Variants in FAM227B observed in about 807,000 individuals in gnomAD.
FAM227B encodes protein FAM227B.
Under a neutral mutation model 73.8 loss-of-function variants are expected in FAM227B, and 88 were observed. The ratio of observed to expected loss-of-function variants is 1.19; its 90% confidence interval spans 1.00 to 1.42. The LOEUF (loss-of-function observed/expected upper bound fraction) is 1.42, where lower values mean the gene tolerates loss of function less well. FAM227B is among the 40% of genes most tolerant of loss of function. The pLI is 0.00. For missense variants in FAM227B, 632 were observed against 590.9 expected (o/e 1.07, Z -0.72); for synonymous variants, 210 against 190.5 (o/e 1.10, Z -0.84).
At chr15:49,409,910 A>G (rs2048761934) in intron 11 of FAM227B, among the ~76,000 whole-genome samples, 1 of 152,202 alleles carries the variant, frequency 6.6e-6, no homozygotes, top group Non-Finnish European at 1.5e-5. Context: ...ATAGAGATAT[A>G]TGCCAGAAGA....
intron 11 of FAM227B, among the ~76,000 whole-genome samples, chr15:49,482,433 G>A (rs1415758441): frequency 6.6e-6 from 1 of 151,962 alleles, no homozygotes; most frequent in African/African-American, 2.4e-5. Flanking sequence ...GTTTTAAATG[G>A]TCTTTTAATG....
chr15:49,335,274 A>T (rs1596253239), intron 14 of FAM227B, 145 bp downstream of exon 14: 8 of 585,442 alleles, frequency 1.4e-5, no homozygotes, highest in Non-Finnish European at 2.4e-5. Context: ...CTTGACACTT[A>T]CCTGAAAAGA....
chr15:49,493,428 T>TA (rs2152064999), intron 11 of FAM227B, among the ~76,000 whole-genome samples: 1 of 152,102 alleles, frequency 6.6e-6, no homozygotes, highest in East Asian at 1.9e-4. Context: ...ACACGCACCA[T>TA]ACTTCCTTGT....
chr15:49,587,051 T>C (rs1460462658), intron 5 of FAM227B, among the ~76,000 whole-genome samples: 2 of 152,112 alleles, frequency 1.3e-5, no homozygotes, highest in East Asian at 3.8e-4. Flanking sequence ...TGCAGCACTA[T>C]TCACAATAGC....
At chr15:49,397,160 A>G (rs901262761) in intron 11 of FAM227B, among the ~76,000 whole-genome samples, 7 of 152,234 alleles carry the variant, frequency 4.6e-5, no homozygotes, top group Non-Finnish European at 1.0e-4. Context: ...AAAGGAGCTG[A>G]TGGAGCTGAA....
At chr15:49,353,857 T>C (rs987702390) in intron 13 of FAM227B, 2 of 152,238 alleles carry the variant, frequency 1.3e-5, no homozygotes, top group Non-Finnish European at 2.9e-5. Context: ...TCTTACCATA[T>C]GTTAATTAAG....
At chr15:49,353,362 C>G (rs911762535) in intron 13 of FAM227B, 2 of 152,160 alleles carry the variant, frequency 1.3e-5, no homozygotes, top group Non-Finnish European at 2.9e-5. Flanking sequence ...TGGGATCACA[C>G]TGTGTCTCTG....
At chr15:49,618,453 C>T (rs2078438023) in intron 1 of FAM227B, among the ~76,000 whole-genome samples, 1 of 152,150 alleles carries the variant, frequency 6.6e-6, no homozygotes, top group Admixed American at 6.5e-5. Context: ...ATAAATAATA[C>T]ATTAAAAATG....
chr15:49,345,776 C>G (rs535172642), intron 13 of FAM227B, among the ~76,000 whole-genome samples: 1 of 152,316 alleles, frequency 6.6e-6, no homozygotes, highest in East Asian at 1.9e-4. Context: ...TGGGGTCTTT[C>G]ATCTCCCTTT....
At chr15:49,484,083 A>G (rs1478595656) in intron 11 of FAM227B, among the ~76,000 whole-genome samples, 1 of 152,028 alleles carries the variant, frequency 6.6e-6, no homozygotes, top group Non-Finnish European at 1.5e-5. Context: ...ATATTTCATA[A>G]CTAGCTGTGT....
chr15:49,538,752 G>A (rs1399043015), intron 10 of FAM227B, among the ~76,000 whole-genome samples: 1 of 151,712 alleles, frequency 6.6e-6, no homozygotes, highest in African/African-American at 2.4e-5. Context: ...ACTGTCTATT[G>A]CATTTTTCAT....
chr15:49,415,243 C>T lies in FAM227B; in HGVS notation c.1013-43844G>A, dbSNP rs569846392. On this transcript the variant is annotated intron_variant, in intron 11 of 15. Transcript: ENST00000299338. ...GCTACATAGACAATTCATGTAGAAC[C>T]AAATAATGACAATTTAGAGCTAACA... Among the ~76,000 whole-genome samples the T allele has an allele frequency of 2.6e-5, 4 of 152,194 alleles. No individual in the cohort carries two copies. The South Asian group carries it at 8.3e-4, about 32-fold the overall frequency.
chr15:49,447,148 G>A (rs577003740), intron 11 of FAM227B, among the ~76,000 whole-genome samples: 2 of 151,668 alleles, frequency 1.3e-5, no homozygotes, highest in South Asian at 4.2e-4. Flanking sequence ...CTTTCAAAAA[G>A]TATTTCTTGT....
At chr15:49,469,725 T>C (rs1007234281) in intron 11 of FAM227B, among the ~76,000 whole-genome samples, 2 of 152,136 alleles carry the variant, frequency 1.3e-5, no homozygotes, top group African/African-American at 4.8e-5. Context: ...TGAAATAATC[T>C]TCATTATCAA....
At chr15:49,611,665 T>C (rs564500883) in intron 2 of FAM227B, among the ~76,000 whole-genome samples, 1 of 152,380 alleles carries the variant, frequency 6.6e-6, no homozygotes, top group South Asian at 2.1e-4. Flanking sequence ...AGTTAACTAG[T>C]TACATAGTTA....
chr15:49,329,054 A>C, intron 15 of FAM227B: 2 of 998,634 alleles, frequency 2.0e-6, no homozygotes, highest in Non-Finnish European at 2.4e-6. Flanking sequence ...TACCTCTCTA[A>C]TCCAAGAGGC....
chr15:49,495,508 T>A (rs950971818), intron 11 of FAM227B, among the ~76,000 whole-genome samples: 1 of 152,156 alleles, frequency 6.6e-6, no homozygotes, highest in South Asian at 2.1e-4. Context: ...CTTTGGGAGT[T>A]TGTATGTCTG....
intron 11 of FAM227B, among the ~76,000 whole-genome samples, chr15:49,436,725 T>C (rs933754049): frequency 1.3e-5 from 2 of 151,582 alleles, no homozygotes; most frequent in East Asian, 1.9e-4. Context: ...CTGTCAAAGT[T>C]GGGATGTGAA....
rs16962327 is a variant in FAM227B, at chr15:49,327,461, C to T, written c.*1107G>A. 3,412 of 152,520 alleles carry T rather than the reference C, an allele frequency of 0.022. 103 individuals are homozygous for T. Among genetic ancestry groups the T allele is most frequent in the South Asian group, 0.077 (370 of 4,830 alleles). The allele number at this position is 152,520 out of a possible 1,614,324, so 9.4% of individuals were successfully genotyped here. On this transcript the variant is annotated 3_prime_UTR_variant, in exon 16 of 16. Transcript: ENST00000299338. ...GGACTGATTCTTCTTTGAAACAGCC[C>T]GGCCTTAAGAATGCAGCTGAAATAG...
Sources: allele counts gnomAD v4.1 joint callset (sites outside exome capture counted in the v4.1 genomes callset), GRCh38; gene constraint gnomAD v4.1.1; transcripts MANE v1.5; gene names NCBI Gene and HGNC (gene_info 2026-07-23, HGNC 2026-07-21).